The following MYO1E variants were observed in gnomAD, a reference collection of about 807,000 sequenced individuals.
MYO1E encodes the protein unconventional myosin-Ie.
MYO1E carries 68 observed loss-of-function variants against 151.1 expected under a neutral mutation model. The observed-to-expected ratio is 0.45, with a 90% CI of 0.37 to 0.55. The LOEUF (loss-of-function observed/expected upper bound fraction) is 0.55. MYO1E is among the 20% of genes least tolerant of loss of function. The probability of loss-of-function intolerance (pLI) is 0.00; values close to 1 mark genes in which losing one functional copy is unlikely to be tolerated. For missense variants in MYO1E, 1,363 were observed against 1,389.3 expected (o/e 0.98, Z 0.30); for synonymous variants, 601 against 501.7 (o/e 1.20, Z -2.64).
intron 5 of MYO1E, among the ~76,000 whole-genome samples, chr15:59,235,121 C>G (rs2080054564): frequency 6.6e-6 from 1 of 152,174 alleles, no homozygotes. Flanking sequence ...GATCTTTTCT[C>G]TTTCCCAACA....
chr15:59,220,071 T>C (rs1287528253), intron 9 of MYO1E, among the ~76,000 whole-genome samples: 1 of 152,248 alleles, frequency 6.6e-6, no homozygotes, highest in Non-Finnish European at 1.5e-5. Flanking sequence ...AAGGGATTTC[T>C]TAGTTTGTTT....
chr15:59,357,457 C>T (rs1291351716), intron 1 of MYO1E, among the ~76,000 whole-genome samples: 2 of 146,856 alleles, frequency 1.4e-5, no homozygotes, highest in African/African-American at 5.1e-5. Context: ...ACGAGTCTCA[C>T]TCTGTCGCCC....
rs754945758 is a variant in MYO1E at position 59,207,137 on chromosome 15, C to T, written c.1530+1544G>A. On this transcript the variant is annotated intron_variant, in intron 14 of 27. Transcript: ENST00000288235. ...ATTGAGCGTTTCACTTCCGAGAAGC[C>T]CGTTCATCACAGTAAGGTCTCCATC... 3 of 1,614,200 alleles carry T rather than the reference C, an allele frequency of 1.9e-6. No individual in the cohort carries two copies. In the East Asian group the frequency reaches 6.7e-5, roughly 36 times the overall value.
rs564540657 is a variant in MYO1E at position 59,339,803 on chromosome 15, T to C, written c.3+32695A>G. On this transcript the variant is annotated intron_variant, in intron 1 of 27. Transcript: ENST00000288235. ...AGGAGTTAAAGACCAGCCTAGACAA[T>C]ATAGCGAGATACCTTCTCTACAAAA... Among the ~76,000 whole-genome samples, 7 of 152,174 alleles carry C rather than the reference T, an allele frequency of 4.6e-5. No homozygotes were observed. In the South Asian group the frequency reaches 1.2e-3, roughly 27 times the overall value.
At chr15:59,311,188 G>A (rs1313146414) in intron 1 of MYO1E, among the ~76,000 whole-genome samples, 1 of 152,022 alleles carries the variant, frequency 6.6e-6, no homozygotes, top group Non-Finnish European at 1.5e-5. Flanking sequence ...AGTCTCCAAC[G>A]TTTTTGACAC....
At chr15:59,198,861 C>A (rs146997518) in intron 16 of MYO1E, among the ~76,000 whole-genome samples, 52 of 151,658 alleles carry the variant, frequency 3.4e-4, no homozygotes, top group African/African-American at 1.2e-3. Flanking sequence ...AAACCCCCAA[C>A]CAATCCAATC....
intron 1 of MYO1E, among the ~76,000 whole-genome samples, chr15:59,361,834 T>A (rs1423137391): frequency 1.3e-5 from 2 of 152,016 alleles, no homozygotes; most frequent in African/African-American, 2.4e-5. Flanking sequence ...ATTAATTTAT[T>A]AATTAATTTA....
At chr15:59,138,793 AC>A (rs1370183034) in intron 26 of MYO1E, among the ~76,000 whole-genome samples, 1 of 151,934 alleles carries the variant, frequency 6.6e-6, no homozygotes, top group African/African-American at 2.4e-5. Context: ...GATTACCACC[AC>A]CTTACAGTTT....
intron 1 of MYO1E, among the ~76,000 whole-genome samples, chr15:59,314,565 T>C (rs2080573938): frequency 6.6e-6 from 1 of 152,026 alleles, no homozygotes; most frequent in Admixed American, 6.6e-5. Flanking sequence ...AATGGTATAA[T>C]GGAAAGATTT....
chr15:59,238,761 G>A (rs141300970), intron 4 of MYO1E, among the ~76,000 whole-genome samples: 2,016 of 151,736 alleles, frequency 0.013, 19 homozygotes, highest in Middle Eastern at 0.031. Flanking sequence ...TAGTAGAGAC[G>A]GGGTTTCACC....
intron 4 of MYO1E, among the ~76,000 whole-genome samples, chr15:59,255,963 T>G (rs547383782): frequency 6.6e-6 from 1 of 152,176 alleles, no homozygotes; most frequent in Non-Finnish European, 1.5e-5. Flanking sequence ...ACCAAAAATG[T>G]TCAAACATGA....
rs547679160 is a variant in MYO1E at position 59,151,459 on chromosome 15, CA to C, written c.3080+2130del. Among the ~76,000 whole-genome samples the C allele has an allele frequency of 1.4e-3, 208 of 151,734 alleles. 1 individual carries two copies. The highest frequency in any genetic ancestry group is 4.8e-3 in the African/African-American group (198 of 41,208). ...AACAAAAAACCCCCCCCAAAAAAACCAACTAAGGTGCTTTCATATTTGTAGC... is the reference window on the plus strand; with the variant it reads ...AACAAAAAACCCCCCCCAAAAAAACCACTAAGGTGCTTTCATATTTGTAGC... On this transcript the variant is annotated intron_variant, in intron 26 of 27. Transcript: ENST00000288235.
Position 59,173,752 on chromosome 15 carries a change from C to T in MYO1E, c.2328G>A (p.Arg776=). Residue 776 remains arginine (R), a synonymous_variant, in exon 21 of 28, where the codon AGG becomes AGA. Coordinates refer to ENST00000288235, the MANE Select transcript of MYO1E (RefSeq NM_004998.4). The stretch of plus-strand genomic sequence containing the variant: ...GCAGGCAGTTAGCACGTACCTTGAA[C>T]CTCCTGTCATACTTGGTGACTGTGT... ...FADTVTKYDR[R]FKGVKRDLLL... is the part of the protein sequence containing the mutation. 1 of 1,614,140 alleles carries T rather than the reference C, an allele frequency of 6.2e-7. No individual in the cohort carries two copies. The highest frequency in any genetic ancestry group is 8.5e-7 in the Non-Finnish European group (1 of 1,180,004).
chr15:59,214,202 A>G, intron 12 of MYO1E, 26 bp downstream of exon 12: 1 of 1,547,946 alleles, frequency 6.5e-7, no homozygotes, highest in Non-Finnish European at 8.9e-7. Flanking sequence ...TAAATAGAAT[A>G]GGATGAAGGA....
At chr15:59,236,362 AAAT>A (rs1290357991) in intron 5 of MYO1E, among the ~76,000 whole-genome samples, 7 of 61,054 alleles carry the variant, frequency 1.1e-4, no homozygotes, top group African/African-American at 1.9e-4. Flanking sequence ...GAAAAAAAAA[AAAT>A]ATATACACAC....
At chr15:59,221,646 T>A (rs890815908) in intron 9 of MYO1E, among the ~76,000 whole-genome samples, 1 of 152,194 alleles carries the variant, frequency 6.6e-6, no homozygotes, top group African/African-American at 2.4e-5. Flanking sequence ...CCAATCTCCA[T>A]GCCTCCATCG....
chr15:59,199,496 A>G (rs1400410112), intron 16 of MYO1E, among the ~76,000 whole-genome samples: 1 of 152,170 alleles, frequency 6.6e-6, no homozygotes, highest in African/African-American at 2.4e-5. Context: ...TGCTCATTGG[A>G]GCATTTCAGG....
intron 1 of MYO1E, among the ~76,000 whole-genome samples, chr15:59,277,386 A>G (rs574607391): frequency 6.6e-6 from 1 of 152,178 alleles, no homozygotes; most frequent in Non-Finnish European, 1.5e-5. Context: ...TTCTACTAAA[A>G]ATACAAAATT....
At chr15:59,193,104 G>A (rs938296202) in intron 17 of MYO1E, among the ~76,000 whole-genome samples, 6 of 152,224 alleles carry the variant, frequency 3.9e-5, no homozygotes, top group Non-Finnish European at 7.3e-5. Flanking sequence ...TTCTCAAAGT[G>A]CAGTGCCTGG....
Sources: allele counts gnomAD v4.1 joint callset (sites outside exome capture counted in the v4.1 genomes callset), GRCh38; gene constraint gnomAD v4.1.1; transcripts MANE v1.5; gene names NCBI Gene and HGNC (gene_info 2026-07-23, HGNC 2026-07-21).